The following INSR variants were observed in gnomAD, a reference collection of about 807,000 sequenced individuals.
INSR encodes IR.
A neutral mutation model predicts 142.6 loss-of-function variants in INSR; 67 were observed. The ratio of observed to expected loss-of-function variants is 0.47; its 90% CI spans 0.39 to 0.58. INSR has a LOEUF of 0.58. Ranked by LOEUF, INSR falls within the 20% of genes least tolerant of loss-of-function variation. The pLI, the probability that INSR is intolerant of heterozygous loss-of-function variation, is 0.00. For missense variants in INSR, 1,248 were observed against 1,833.2 expected (o/e 0.68, Z 5.83); for synonymous variants, 756 against 743.1 (o/e 1.02, Z -0.28).
intron 2 of INSR, among the ~76,000 whole-genome samples, chr19:7,241,366 G>C (rs892300176): frequency 6.6e-6 from 1 of 152,004 alleles, no homozygotes; most frequent in African/African-American, 2.4e-5. Flanking sequence ...ATTTTTGGTA[G>C]AGATGGGGTC....
At chr19:7,268,551 C>A in intron 1 of INSR, 1 of 985,370 alleles carries the variant, frequency 1.0e-6, no homozygotes, top group Non-Finnish European at 1.2e-6. Flanking sequence ...CCTCAAGATT[C>A]TGCCCCTACA....
At chr19:7,276,634 T>A (rs920171293) in intron 1 of INSR, among the ~76,000 whole-genome samples, 14 of 152,198 alleles carry the variant, frequency 9.2e-5, no homozygotes. Flanking sequence ...CGAATCTGGC[T>A]TCCCAACCCA....
At chr19:7,253,526 G>A (rs996205194) in intron 2 of INSR, among the ~76,000 whole-genome samples, 2 of 151,982 alleles carry the variant, frequency 1.3e-5, no homozygotes, top group Non-Finnish European at 2.9e-5. Flanking sequence ...GCGTGTGCCT[G>A]GCCCCTCCAG....
chr19:7,249,197 CT>C (rs1976632002), intron 2 of INSR, among the ~76,000 whole-genome samples: 1 of 152,142 alleles, frequency 6.6e-6, no homozygotes, highest in Non-Finnish European at 1.5e-5. Context: ...CTGGGAACCT[CT>C]TTCCTTTCAG....
chr19:7,128,567 G>C (rs1972700103), intron 15 of INSR, among the ~76,000 whole-genome samples: 1 of 151,846 alleles, frequency 6.6e-6, no homozygotes, highest in Non-Finnish European at 1.5e-5. Flanking sequence ...TCACATTGGA[G>C]CTTTACTTGT....
rs1293579986 is a variant in INSR, at chr19:7,113,578, G to A, written c.*3478C>T. On this transcript the variant is annotated 3_prime_UTR_variant, in exon 22 of 22. Transcript: ENST00000302850. ...GTGGCTTTCACTACATTAATGAAAA[G>A]GGTTTTAATCATAGTGAGACATCTT... The A allele has an allele frequency of 6.6e-6, 1 of 152,170 alleles. No homozygotes were observed. The highest frequency in any genetic ancestry group is 1.5e-5 in the Non-Finnish European group (1 of 68,042). 9.4% of individuals were successfully genotyped at this position (152,170 alleles called of 1,614,324 possible). A position where few individuals can be genotyped will look rare whatever the true frequency, so the allele number is the denominator to read the frequency against.
rs1033769639 is a variant in INSR at position 7,216,834 on chromosome 19, C to A, written c.653-32197G>T. ...ATACATTTATTATTTTCTCCTGCAT[C>A]GGGATCTTACTCTGTTGCCTAGGCT... is the stretch of plus-strand genomic sequence containing the variant. On this transcript the variant is annotated intron_variant, in intron 2 of 21. Coordinates refer to ENST00000302850, the MANE Select transcript of INSR (RefSeq NM_000208.4). The surrounding 1 kb of genome is among the most constrained non-coding windows in gnomAD (Gnocchi z 4.2). 2.0e-5 allele frequency among the ~76,000 whole-genome samples: 3 copies of A among 152,090 alleles called. No individual in the cohort carries two copies. The highest frequency in any genetic ancestry group is 2.0e-4 in the Admixed American group (3 of 15,246).
intron 1 of INSR, among the ~76,000 whole-genome samples, chr19:7,282,722 C>T (rs546435879): frequency 2.0e-5 from 3 of 151,322 alleles, no homozygotes; most frequent in Non-Finnish European, 4.4e-5. Context: ...CGCAGTGGCT[C>T]ACGCCTGTAA....
intron 9 of INSR, among the ~76,000 whole-genome samples, chr19:7,155,363 G>A (rs1379899223): frequency 1.3e-5 from 2 of 151,674 alleles, no homozygotes; most frequent in East Asian, 1.9e-4. Context: ...ATAGTGAAAC[G>A]CTGTCTCTAC....
At chr19:7,201,964 A>T (rs1974973010) in intron 2 of INSR, among the ~76,000 whole-genome samples, 1 of 152,016 alleles carries the variant, frequency 6.6e-6, no homozygotes, top group Non-Finnish European at 1.5e-5. Flanking sequence ...CTAGGCCTTC[A>T]TTCTTAATTT....
chr19:7,237,830 A>AT (rs1976210199), intron 2 of INSR, among the ~76,000 whole-genome samples: 1 of 146,640 alleles, frequency 6.8e-6, no homozygotes, highest in African/African-American at 2.6e-5. Context: ...AAATAAATAA[A>AT]TAAAATTAAA....
At chr19:7,240,733 A>G (rs1166409859) in intron 2 of INSR, among the ~76,000 whole-genome samples, 2 of 152,206 alleles carry the variant, frequency 1.3e-5, no homozygotes, top group Non-Finnish European at 2.9e-5. Flanking sequence ...AGAAAATTCC[A>G]TTCCTGACCT....
intron 21 of INSR, among the ~76,000 whole-genome samples, chr19:7,117,928 AG>A (rs2092484113): frequency 6.8e-6 from 1 of 147,624 alleles, no homozygotes; most frequent in South Asian, 2.2e-4. Flanking sequence ...TTTTTGAGAC[AG>A]GGTTTCTCAC....
chr19:7,266,383 CT>C (rs746892721), intron 2 of INSR, among the ~76,000 whole-genome samples: 52,428 of 122,980 alleles, frequency 0.43, 8,311 homozygotes, highest in South Asian at 0.52. Context: ...TAGAAATTAT[CT>C]TTTTTTTTTT....
chr19:7,175,762 G>A (rs1025902197), intron 3 of INSR, among the ~76,000 whole-genome samples: 3 of 151,822 alleles, frequency 2.0e-5, no homozygotes, highest in Non-Finnish European at 4.4e-5. Context: ...TTGAACCTGG[G>A]AGGCAGAGGT....
At chr19:7,124,317 TGAG>T (rs1438716726) in intron 17 of INSR, among the ~76,000 whole-genome samples, 1 of 141,718 alleles carries the variant, frequency 7.1e-6, no homozygotes, top group Non-Finnish European at 1.5e-5. Context: ...TGCAGTGAGC[TGAG>T]ATCATGCCAC....
intron 9 of INSR, among the ~76,000 whole-genome samples, chr19:7,154,948 C>T (rs1009268073): frequency 2.0e-5 from 3 of 152,046 alleles, no homozygotes; most frequent in Non-Finnish European, 2.9e-5. Context: ...AACTGCCCGA[C>T]ACCATAATCA....
chr19:7,152,663 T>G, intron 10 of INSR, 63 bp downstream of exon 10: 1 of 1,365,612 alleles, frequency 7.3e-7, no homozygotes, highest in Non-Finnish European at 1.0e-6. Flanking sequence ...CCCTAAGTAA[T>G]GACCTTCCAC....
At chr19:7,251,690 G>C (rs1976734134) in intron 2 of INSR, among the ~76,000 whole-genome samples, 1 of 152,032 alleles carries the variant, frequency 6.6e-6, no homozygotes, top group Admixed American at 6.6e-5. Flanking sequence ...GGGGGAAGAG[G>C]CCTGTGACTA....
Sources: allele counts gnomAD v4.1 joint callset (sites outside exome capture counted in the v4.1 genomes callset), GRCh38; gene constraint gnomAD v4.1.1; non-coding constraint Gnocchi (gnomAD v3.1); transcripts MANE v1.5; gene names NCBI Gene and HGNC (gene_info 2026-07-23, HGNC 2026-07-21).